The following NRG3 variants were observed in gnomAD, a reference collection of about 807,000 sequenced individuals.
The protein encoded by NRG3 is pro-neuregulin-3, membrane-bound isoform.
A neutral mutation model predicts 66.9 loss-of-function variants in NRG3; 31 were observed. The observed-to-expected ratio is 0.46, with a 90% CI of 0.35 to 0.63. NRG3 has a LOEUF of 0.63. NRG3 is among the 20% of genes least tolerant of loss of function. The pLI is 0.00. For synonymous variants in NRG3, 393 were observed against 359.4 expected, an observed-to-expected ratio of 1.09 and a Z score of -1.06; for missense variants, 910 against 878.9, an observed-to-expected ratio of 1.04 and a Z score of -0.45.
intron 1 of NRG3, among the ~76,000 whole-genome samples, chr10:82,270,437 G>A (rs2078532971): frequency 6.6e-6 from 1 of 152,208 alleles, no homozygotes; most frequent in South Asian, 2.1e-4. Flanking sequence ...TCCTTGTACT[G>A]AGGGCACCTG....
rs574691692 is a variant in NRG3 at position 81,935,674 on chromosome 10, G to A, written c.823+59511G>A. 6.6e-5 allele frequency among the ~76,000 whole-genome samples: 10 copies of A among 152,194 alleles called. 1 individual carries two copies. In the South Asian group the frequency reaches 2.1e-3, roughly 32 times the overall value. On this transcript the variant is annotated intron_variant, in intron 1 of 8. Coordinates refer to ENST00000372141, the MANE Select transcript of NRG3 (RefSeq NM_001010848.4). ...TTGACAGAAGGATTGAGCACTTTCTGTTTCTGTTGCATGGGCCACTCTCTC... is the reference window on the plus strand; with the variant it reads ...TTGACAGAAGGATTGAGCACTTTCTATTTCTGTTGCATGGGCCACTCTCTC...
intron 2 of NRG3, among the ~76,000 whole-genome samples, chr10:82,689,330 A>C (rs539580250): frequency 3.7e-4 from 57 of 152,308 alleles, no homozygotes; most frequent in African/African-American, 1.3e-3. Flanking sequence ...TAACCTGGTT[A>C]AACAAGGCAT....
At chr10:82,896,924 G>A (rs1187147232) in intron 4 of NRG3, among the ~76,000 whole-genome samples, 1 of 152,196 alleles carries the variant, frequency 6.6e-6, no homozygotes, top group Non-Finnish European at 1.5e-5. Flanking sequence ...ATTAGCAGGA[G>A]TCATTTGTCA....
At chr10:82,720,300 GA>G (rs1275126248) in intron 2 of NRG3, among the ~76,000 whole-genome samples, 1 of 152,018 alleles carries the variant, frequency 6.6e-6, no homozygotes, top group Non-Finnish European at 1.5e-5. Context: ...TGAGGCAGGA[GA>G]ATCCCTTGAA....
At chr10:82,341,310 C>T (rs182968598) in intron 1 of NRG3, among the ~76,000 whole-genome samples, 3 of 151,988 alleles carry the variant, frequency 2.0e-5, no homozygotes, top group East Asian at 3.9e-4. Context: ...AAACTCAGCA[C>T]GGTTGGAAAT....
Position 82,289,464 on chromosome 10 carries a change from C to T in NRG3, c.824-69275C>T, listed in dbSNP as rs374385728. On this transcript the variant is annotated intron_variant, in intron 1 of 8. Coordinates refer to ENST00000372141, the MANE Select transcript of NRG3 (RefSeq NM_001010848.4). ...ACAAGAATTCAAGTTCTAATATCTG[C>T]GATAGACTTATTAAAGAAAGAAATA... 6.7e-5 allele frequency among the ~76,000 whole-genome samples: 10 copies of T among 149,302 alleles called. No individual in the cohort carries two copies. The East Asian group carries it at 7.7e-4, about 12-fold the overall frequency.
intron 1 of NRG3, among the ~76,000 whole-genome samples, chr10:82,133,717 A>G (rs1295148946): frequency 6.6e-6 from 1 of 152,134 alleles, no homozygotes; most frequent in Non-Finnish European, 1.5e-5. Flanking sequence ...TGCTGCAATG[A>G]ACATTCACAT....
intron 3 of NRG3, among the ~76,000 whole-genome samples, chr10:82,838,379 A>G (rs1314329736): frequency 6.6e-6 from 1 of 152,196 alleles, no homozygotes; most frequent in Admixed American, 6.5e-5. Flanking sequence ...TGTACCATTC[A>G]TGATGACATT....
intron 2 of NRG3, among the ~76,000 whole-genome samples, chr10:82,363,540 C>G (rs575708138): frequency 6.6e-6 from 1 of 152,324 alleles, no homozygotes; most frequent in African/African-American, 2.4e-5. Flanking sequence ...ACTGCAAACT[C>G]CGCTTCCCAG....
At chr10:82,403,699 G>A (rs1324305164) in intron 2 of NRG3, among the ~76,000 whole-genome samples, 1 of 152,068 alleles carries the variant, frequency 6.6e-6, no homozygotes, top group Non-Finnish European at 1.5e-5. Context: ...CACTTAAGAG[G>A]GTGCAGAATT....
At position 82,569,558 on chromosome 10, in the gene NRG3, C is replaced by T. The variant is rs182633271; in HGVS notation, c.954-169019C>T. Among the ~76,000 whole-genome samples, 404 of 151,844 alleles carry T rather than the reference C, an allele frequency of 2.7e-3. 7 individuals are homozygous for T. Among genetic ancestry groups the T allele is most frequent in the East Asian group, 6.0e-3 (31 of 5,162 alleles). ...GTTTTAAGTCTACAGTGGATTGATT[C>T]TTCAGTAGCATTTAATTCTGTTTCC... is the stretch of plus-strand genomic sequence containing the variant. On this transcript the variant is annotated intron_variant, in intron 2 of 8. Coordinates refer to ENST00000372141, the MANE Select transcript of NRG3 (RefSeq NM_001010848.4).
At chr10:81,989,879 G>GA (rs1466069443) in intron 1 of NRG3, among the ~76,000 whole-genome samples, 2 of 151,894 alleles carry the variant, frequency 1.3e-5, no homozygotes, top group Admixed American at 6.6e-5. Context: ...GACAGGAAAT[G>GA]AAAAAATGGA....
At position 82,761,236 on chromosome 10, in the gene NRG3, C is replaced by G. The variant is rs1565286270; in HGVS notation, c.1027+22586C>G. ...TGACTTCTATTTTATCAAGGCTTAT[C>G]TAAAAACACAATAGCAATTCTTCAG... is the stretch of plus-strand genomic sequence containing the variant. On this transcript the variant is annotated intron_variant, in intron 3 of 8. Transcript: ENST00000372141. 2.0e-5 allele frequency among the ~76,000 whole-genome samples: 3 copies of G among 151,988 alleles called. No individual in the cohort carries two copies. In the South Asian group the frequency reaches 6.2e-4, roughly 31 times the overall value.
intron 2 of NRG3, among the ~76,000 whole-genome samples, chr10:82,720,347 G>A (rs902127103): frequency 5.9e-5 from 9 of 151,792 alleles, no homozygotes; most frequent in Admixed American, 5.2e-4. Flanking sequence ...CTGAGATTGC[G>A]CCACTGCACT....
chr10:81,938,617 CAG>C (rs1491463711), intron 1 of NRG3, among the ~76,000 whole-genome samples: 22 of 93,864 alleles, frequency 2.3e-4, no homozygotes, highest in Non-Finnish European at 3.5e-4. Flanking sequence ...TGAGTTCTGA[CAG>C]TGTGTGTGTG....
At chr10:82,332,709 AG>A (rs754137602) in intron 1 of NRG3, among the ~76,000 whole-genome samples, 1 of 152,204 alleles carries the variant, frequency 6.6e-6, no homozygotes, top group Non-Finnish European at 1.5e-5. Flanking sequence ...ATCAATATCA[AG>A]GAGACAATCA....
chr10:82,642,327 G>A (rs1231707323), intron 2 of NRG3, among the ~76,000 whole-genome samples: 1 of 151,566 alleles, frequency 6.6e-6, no homozygotes, highest in Non-Finnish European at 1.5e-5. Flanking sequence ...GTCAGAATTA[G>A]TATACCACAA....
intron 2 of NRG3, among the ~76,000 whole-genome samples, chr10:82,524,561 T>A (rs1846504340): frequency 6.6e-6 from 1 of 151,876 alleles, no homozygotes; most frequent in Non-Finnish European, 1.5e-5. Context: ...AATTTTTCAT[T>A]TATTTACCAT....
At chr10:82,637,205 A>G (rs1026105276) in intron 2 of NRG3, among the ~76,000 whole-genome samples, 17 of 152,172 alleles carry the variant, frequency 1.1e-4, no homozygotes, top group African/African-American at 3.6e-4. Flanking sequence ...TTAAATGATG[A>G]GAATATATTA....
Sources: allele counts gnomAD v4.1 joint callset (sites outside exome capture counted in the v4.1 genomes callset), GRCh38; gene constraint gnomAD v4.1.1; transcripts MANE v1.5; gene names NCBI Gene and HGNC (gene_info 2026-07-23, HGNC 2026-07-21).